Variants in CAPZB observed in about 807,000 individuals in gnomAD.
CAPZB encodes the protein F-actin-capping protein subunit beta.
In CAPZB, 2 loss-of-function variants were observed where a neutral mutation model predicts 38.1. The ratio of observed to expected loss-of-function variants is 0.05; its 90% CI spans 0.02 to 0.17. The LOEUF (loss-of-function observed/expected upper bound fraction) is 0.17, where lower values mean the gene tolerates loss of function less well. CAPZB is among the 10% of genes least tolerant of loss of function. The probability of loss-of-function intolerance (pLI) is 1.00; values close to 1 mark genes in which losing one functional copy is unlikely to be tolerated. For synonymous variants in CAPZB, 107 were observed against 127.4 expected, an observed-to-expected ratio of 0.84 and a Z score of 1.08; for missense variants, 161 against 334.2, an observed-to-expected ratio of 0.48 and a Z score of 4.04.
At chr1:19,379,536 T>C (rs1214271368) in intron 3 of CAPZB, among the ~76,000 whole-genome samples, 1 of 152,212 alleles carries the variant, frequency 6.6e-6, no homozygotes, top group African/African-American at 2.4e-5. Flanking sequence ...GGGCAAGAGA[T>C]ACAGCTCCAC....
At chr1:19,467,943 G>T (rs1413120749) in intron 1 of CAPZB, among the ~76,000 whole-genome samples, 1 of 152,190 alleles carries the variant, frequency 6.6e-6, no homozygotes, top group Non-Finnish European at 1.5e-5. Flanking sequence ...CAGGGCCTAA[G>T]AATGCAGCCC....
At chr1:19,457,436 G>A (rs2094536430) in intron 1 of CAPZB, among the ~76,000 whole-genome samples, 2 of 152,098 alleles carry the variant, frequency 1.3e-5, no homozygotes, top group African/African-American at 2.4e-5. Context: ...GTGATCCACC[G>A]CATGCTTGAG....
In CAPZB at chr1:19,356,108, T is replaced by C. The variant is rs999696235; in HGVS notation, c.588+527A>G. Among the ~76,000 whole-genome samples the C allele has an allele frequency of 7.2e-5, 11 of 152,184 alleles. No individual in the cohort carries two copies. The highest frequency in any genetic ancestry group is 1.9e-4 in the African/African-American group (8 of 41,446). ...GAAATTTCAATGTGCACACATTACC[T>C]GGGCAATTTTGTGAAAACAGAGATC... On this transcript the variant is annotated intron_variant, in intron 6 of 8. Transcript: ENST00000264202. This position sits in a 1 kb window ranked among gnomAD's most constrained non-coding sequence, Gnocchi z 4.3.
At chr1:19,422,440 C>G (rs1406366126) in intron 1 of CAPZB, among the ~76,000 whole-genome samples, 1 of 152,176 alleles carries the variant, frequency 6.6e-6, no homozygotes, top group Non-Finnish European at 1.5e-5. Flanking sequence ...GAAGACTGCA[C>G]ATGCAGGCAA....
intron 1 of CAPZB, among the ~76,000 whole-genome samples, chr1:19,441,933 G>A (rs899365230): frequency 4.6e-5 from 7 of 151,108 alleles, no homozygotes; most frequent in Admixed American, 6.6e-5. Flanking sequence ...TGCTTGAACC[G>A]GGGAGGCGGA....
At chr1:19,420,112 G>A (rs1209555615) in intron 1 of CAPZB, 4 of 186,560 alleles carry the variant, frequency 2.1e-5, no homozygotes, top group South Asian at 1.5e-4. Flanking sequence ...CTCCAGTAGC[G>A]GATTACTTTT....
chr1:19,402,033 G>T (rs2094305874), intron 2 of CAPZB, among the ~76,000 whole-genome samples: 1 of 152,132 alleles, frequency 6.6e-6, no homozygotes, highest in South Asian at 2.1e-4. Context: ...TTATGAGAAG[G>T]GTTGCCAAAT....
chr1:19,433,568 C>T (rs962720548), intron 1 of CAPZB, among the ~76,000 whole-genome samples: 1 of 152,186 alleles, frequency 6.6e-6, no homozygotes, highest in African/African-American at 2.4e-5. Flanking sequence ...TCAGTCCAAC[C>T]TGCAAACAGC....
intron 1 of CAPZB, among the ~76,000 whole-genome samples, chr1:19,474,184 C>G (rs2094599291): frequency 6.6e-6 from 1 of 152,022 alleles, no homozygotes. Flanking sequence ...TTTGTAGAGA[C>G]AGGATTTCAC....
At chr1:19,360,819 A>G (rs2094048972) in intron 4 of CAPZB, among the ~76,000 whole-genome samples, 1 of 152,210 alleles carries the variant, frequency 6.6e-6, no homozygotes. Flanking sequence ...CAAATGCTGG[A>G]GCCAGGGGAG....
At chr1:19,344,528 G>T in intron 7 of CAPZB, 94 bp from the exon 8 acceptor site, 1 of 960,406 alleles carries the variant, frequency 1.0e-6, no homozygotes, top group Non-Finnish European at 1.7e-6. Flanking sequence ...TCCCCAGTGT[G>T]GCCACTGGAG....
At chr1:19,387,360 C>T (rs566516647) in intron 2 of CAPZB, among the ~76,000 whole-genome samples, 3 of 152,350 alleles carry the variant, frequency 2.0e-5, no homozygotes, top group African/African-American at 7.2e-5. Flanking sequence ...CCCAGCCCTG[C>T]TTAGCTGTGG....
chr1:19,345,475 C>T (rs2093955342), intron 6 of CAPZB, among the ~76,000 whole-genome samples: 1 of 152,250 alleles, frequency 6.6e-6, no homozygotes, highest in Non-Finnish European at 1.5e-5. Context: ...AGTCCCACTT[C>T]CAAGGGAGAA....
At chr1:19,375,971 C>A (rs1385915749) in intron 4 of CAPZB, among the ~76,000 whole-genome samples, 1 of 152,188 alleles carries the variant, frequency 6.6e-6, no homozygotes, top group Non-Finnish European at 1.5e-5. Context: ...CACCATGTAT[C>A]ATTACATATG....
chr1:19,449,792 A>AC (rs1321351521), intron 1 of CAPZB, among the ~76,000 whole-genome samples: 1 of 151,608 alleles, frequency 6.6e-6, no homozygotes, highest in African/African-American at 2.4e-5. Context: ...TCAAAAAAAA[A>AC]AAAAAAAAGA....
At chr1:19,461,337 G>A (rs2094551313) in intron 1 of CAPZB, among the ~76,000 whole-genome samples, 1 of 152,172 alleles carries the variant, frequency 6.6e-6, no homozygotes, top group African/African-American at 2.4e-5. Context: ...CACACAGAGG[G>A]ACAACTGAAC....
At chr1:19,379,416 T>C (rs2094162093) in intron 3 of CAPZB, among the ~76,000 whole-genome samples, 1 of 152,180 alleles carries the variant, frequency 6.6e-6, no homozygotes, top group Non-Finnish European at 1.5e-5. Context: ...CACCACCTTA[T>C]AGTTCAACAG....
Position 19,457,672 on chromosome 1 carries a change from A to G in CAPZB, c.3+27764T>C, listed in dbSNP as rs114312248. Among the ~76,000 whole-genome samples, 1,190 of 152,340 alleles carry G rather than the reference A, an allele frequency of 7.8e-3. 21 individuals carry two copies. The highest frequency in any genetic ancestry group is 0.027 in the African/African-American group (1,133 of 41,572). On this transcript the variant is annotated intron_variant, in intron 1 of 8. Coordinates refer to ENST00000264202, the MANE Select transcript of CAPZB (RefSeq NM_004930.5). ...AGCGCCCAGTGTTAACAAAGAAGCA[A>G]TAACCTGATGCTCACACTGCGGACG... is the stretch of plus-strand genomic sequence containing the variant.
At chr1:19,341,573 C>T (rs2093929141) in intron 8 of CAPZB, among the ~76,000 whole-genome samples, 1 of 152,196 alleles carries the variant, frequency 6.6e-6, no homozygotes, top group Non-Finnish European at 1.5e-5. Flanking sequence ...CTCGAATCAG[C>T]GCTTGGAGAC....
Sources: gnomAD v4.1 joint callset for allele counts (sites outside exome capture counted in the v4.1 genomes callset) on GRCh38, gnomAD v4.1.1 for gene constraint, Gnocchi (gnomAD v3.1) non-coding constraint, MANE v1.5 for transcripts, NCBI Gene and HGNC (gene_info 2026-07-23, HGNC 2026-07-21) for gene names.